DPH6: variants seen among roughly 807,000 people sequenced by gnomAD.
The protein encoded by DPH6 is diphthamine biosynthesis 6.
In DPH6, 33 loss-of-function variants were observed where a neutral mutation model predicts 38.2. The observed-to-expected ratio is 0.86, with a 90% confidence interval of 0.65 to 1.15. DPH6 has a LOEUF of 1.15. Among genes scored for constraint, DPH6 ranks in the 50% most tolerant of loss-of-function variants. The pLI, the probability that DPH6 is intolerant of heterozygous loss-of-function variation, is 0.00. For synonymous variants in DPH6, 108 were observed against 103.0 expected (o/e 1.05, Z -0.30); for missense variants, 325 against 320.0 (o/e 1.02, Z -0.12).
chr15:35,232,183 T>C (rs1325966731), intron 3 of DPH6, among the ~76,000 whole-genome samples: 1 of 152,148 alleles, frequency 6.6e-6, no homozygotes, highest in Admixed American at 6.5e-5. Flanking sequence ...AGAGATTTAG[T>C]GTCTTTGGAT....
intron 5 of DPH6, among the ~76,000 whole-genome samples, chr15:35,421,637 A>G (rs2053506735): frequency 6.6e-6 from 1 of 152,182 alleles, no homozygotes; most frequent in Non-Finnish European, 1.5e-5. Flanking sequence ...AGTTTTCAAG[A>G]TGATGAGTAC....
chr15:35,454,982 A>G (rs905503376), intron 3 of DPH6, among the ~76,000 whole-genome samples, 162 bp from the exon 4 acceptor site: 4 of 152,122 alleles, frequency 2.6e-5, no homozygotes, highest in Non-Finnish European at 5.9e-5. Flanking sequence ...ATTTGCATAT[A>G]TTTAAATCAT....
intron 3 of DPH6, among the ~76,000 whole-genome samples, chr15:35,264,730 T>A (rs2051771995): frequency 6.6e-6 from 1 of 152,214 alleles, no homozygotes; most frequent in Non-Finnish European, 1.5e-5. Context: ...ATTCATTCAT[T>A]CATTCATTCA....
intron 5 of DPH6, among the ~76,000 whole-genome samples, chr15:35,428,148 AAACT>A (rs1476687253): frequency 6.6e-6 from 1 of 152,038 alleles, no homozygotes; most frequent in African/African-American, 2.4e-5. Context: ...ATTTTAATGA[AAACT>A]AACAAGTGAT....
At chr15:35,351,356 T>C (rs1446983397) in intron 3 of DPH6, among the ~76,000 whole-genome samples, 1 of 152,160 alleles carries the variant, frequency 6.6e-6, no homozygotes, top group African/African-American at 2.4e-5. Context: ...TATTTTTCCA[T>C]TTAGCCACTG....
chr15:35,378,976 T>TACAA (rs575875165), intron 7 of DPH6, among the ~76,000 whole-genome samples: 27 of 152,172 alleles, frequency 1.8e-4, no homozygotes, highest in Admixed American at 1.1e-3. Context: ...AAGTATAATT[T>TACAA]ACAAACAAAC....
At chr15:35,460,462 C>T (rs1309665607) in intron 3 of DPH6, among the ~76,000 whole-genome samples, 1 of 152,146 alleles carries the variant, frequency 6.6e-6, no homozygotes, top group Non-Finnish European at 1.5e-5. Context: ...TGCTAAACCA[C>T]AGGGGCTCTC....
chr15:35,327,991 G>A (rs994834909), downstream of DPH6, among the ~76,000 whole-genome samples: 2 of 152,098 alleles, frequency 1.3e-5, no homozygotes, highest in Non-Finnish European at 2.9e-5. Flanking sequence ...TGCTATGACT[G>A]TACCTTGTTT....
chr15:35,499,360 T>A (rs982726878), intron 3 of DPH6, among the ~76,000 whole-genome samples: 3 of 152,150 alleles, frequency 2.0e-5, no homozygotes, highest in African/African-American at 7.2e-5. Context: ...TTATGAGAGT[T>A]AATTAATCTT....
chr15:35,326,313 T>C (rs1298489109), downstream of DPH6, among the ~76,000 whole-genome samples: 2 of 152,186 alleles, frequency 1.3e-5, no homozygotes, highest in Admixed American at 6.5e-5. Context: ...TAACCACCTA[T>C]TAAAGCTCAA....
the DPH6 span, among the ~76,000 whole-genome samples, chr15:35,204,492 A>G: frequency 6.6e-6 from 1 of 151,800 alleles, no homozygotes; most frequent in African/African-American, 2.4e-5. Context: ...TTGTCTAAAA[A>G]AATGTTGGAG....
intron 3 of DPH6, among the ~76,000 whole-genome samples, chr15:35,320,610 T>A (rs1251090122): frequency 1.3e-5 from 2 of 152,226 alleles, no homozygotes; most frequent in Admixed American, 1.3e-4. Context: ...TTCCTTCTAG[T>A]TCCCTGCAGT....
chr15:35,461,615 A>G (rs2054067627), intron 3 of DPH6, among the ~76,000 whole-genome samples: 1 of 151,922 alleles, frequency 6.6e-6, no homozygotes, highest in African/African-American at 2.4e-5. Flanking sequence ...AGAAGGACCA[A>G]GTCTTCTTTT....
chr15:35,436,753 G>GTTTTTTT (rs57241274), intron 5 of DPH6, among the ~76,000 whole-genome samples: 2 of 144,046 alleles, frequency 1.4e-5, no homozygotes, highest in Non-Finnish European at 1.5e-5. Flanking sequence ...CTGCCTTTAA[G>GTTTTTTT]TTTTTTTTTT....
At chr15:35,512,139 T>C (rs2054783217) in intron 3 of DPH6, among the ~76,000 whole-genome samples, 1 of 152,120 alleles carries the variant, frequency 6.6e-6, no homozygotes, top group African/African-American at 2.4e-5. Flanking sequence ...TTTCATAAAG[T>C]GAAATATACC....
rs72708919 is a variant in DPH6 at position 35,282,942 on chromosome 15, A to G, written n.201-62360T>C. On this transcript the variant is annotated intron_variant and non_coding_transcript_variant, in intron 3 of 3. Transcript: ENST00000560386. The stretch of plus-strand genomic sequence containing the variant: ...ATCAACAATACTTGGGTTTGCACCA[A>G]TGACATGTTCAGGCTTGGCCTGCAC... 1.4e-3 allele frequency: 463 copies of G among 341,162 alleles called. 1 individual carries two copies. The highest frequency in any genetic ancestry group is 2.6e-3 in the East Asian group (36 of 13,586). The allele number at this position is 341,162 out of a possible 1,614,324, so 21.1% of individuals were successfully genotyped here. A position where few individuals can be genotyped will look rare whatever the true frequency, so the allele number is the denominator to read the frequency against.
At chr15:35,470,301 G>C (rs1429861330) in intron 3 of DPH6, among the ~76,000 whole-genome samples, 1 of 152,052 alleles carries the variant, frequency 6.6e-6, no homozygotes, top group Non-Finnish European at 1.5e-5. Flanking sequence ...CAGACGCCAA[G>C]GTCAAAGAGG....
chr15:35,372,899 T>G (rs1446385705), intron 8 of DPH6, among the ~76,000 whole-genome samples: 1 of 151,982 alleles, frequency 6.6e-6, no homozygotes, highest in Non-Finnish European at 1.5e-5. Context: ...TCACATAATT[T>G]CAGCTATCAT....
At position 35,381,814 on chromosome 15, in the gene DPH6, T is replaced by A. The variant is rs201989944; in HGVS notation, c.662+8A>T. On this transcript the variant is annotated splice_region_variant and intron_variant, in intron 7 of 8. Coordinates refer to ENST00000256538, the MANE Select transcript of DPH6 (RefSeq NM_080650.4). ...GGAAAAAAAGAAAATGCTGAAATGA[T>A]ATCTTACACAATTATTTTCTTCTTA... is the stretch of plus-strand genomic sequence containing the variant. 3.0e-5 allele frequency: 48 copies of A among 1,597,390 alleles called. No homozygotes were observed. The highest frequency in any genetic ancestry group is 3.9e-5 in the Non-Finnish European group (46 of 1,166,526).
Sources: gnomAD v4.1 joint callset for allele counts (sites outside exome capture counted in the v4.1 genomes callset) on GRCh38, gnomAD v4.1.1 for gene constraint, MANE v1.5 for transcripts, NCBI Gene and HGNC (gene_info 2026-07-23, HGNC 2026-07-21) for gene names.